SCLT1: variants seen among roughly 807,000 people sequenced by gnomAD.
SCLT1 encodes sodium channel and clathrin linker 1, also known as sodium channel-associated protein 1.
In SCLT1, 78 loss-of-function variants were observed where a neutral mutation model predicts 112.8. The observed-to-expected ratio is 0.69, with a 90% CI of 0.58 to 0.83. The LOEUF (loss-of-function observed/expected upper bound fraction) is 0.83, where lower values mean the gene tolerates loss of function less well. Ranked by LOEUF, SCLT1 falls within the 40% of genes least tolerant of loss-of-function variation. The pLI is 0.00. For missense variants in SCLT1, 747 were observed against 770.4 expected (o/e 0.97, Z 0.36); for synonymous variants, 257 against 254.7 (o/e 1.01, Z -0.09).
At chr4:129,049,421 T>C (rs1238608856) in intron 2 of SCLT1, among the ~76,000 whole-genome samples, 2 of 138,856 alleles carry the variant, frequency 1.4e-5, no homozygotes, top group East Asian at 2.1e-4. Context: ...TAGATGGGAA[T>C]TGAACAATGA....
chr4:128,924,608 T>C (rs1441895011), intron 18 of SCLT1, among the ~76,000 whole-genome samples: 1 of 152,178 alleles, frequency 6.6e-6, no homozygotes, highest in Non-Finnish European at 1.5e-5. Flanking sequence ...CTTTATCAAA[T>C]TTTTTGTACT....
intron 5 of SCLT1, among the ~76,000 whole-genome samples, chr4:129,027,616 C>A (rs1417631351): frequency 1.3e-5 from 2 of 152,054 alleles, no homozygotes; most frequent in Non-Finnish European, 2.9e-5. Flanking sequence ...AAAACTGGCA[C>A]AAGACAGGGA....
chr4:128,928,377 C>T (rs1179236515), intron 18 of SCLT1, among the ~76,000 whole-genome samples: 1 of 152,044 alleles, frequency 6.6e-6, no homozygotes, highest in Non-Finnish European at 1.5e-5. Context: ...TCTAACAAAT[C>T]AAATCCAGAA....
At chr4:129,051,736 G>A (rs891385826) in intron 2 of SCLT1, among the ~76,000 whole-genome samples, 1 of 152,028 alleles carries the variant, frequency 6.6e-6, no homozygotes, top group African/African-American at 2.4e-5. Flanking sequence ...TTGCCTGATT[G>A]CCCTGGCCAG....
At chr4:128,906,529 A>G (rs1399832253) in intron 18 of SCLT1, among the ~76,000 whole-genome samples, 2 of 152,208 alleles carry the variant, frequency 1.3e-5, no homozygotes, top group Non-Finnish European at 2.9e-5. Context: ...ATCAAGTGAT[A>G]TAATAAATTT....
intron 5 of SCLT1, among the ~76,000 whole-genome samples, chr4:129,010,409 G>A (rs1052734115): frequency 5.9e-5 from 9 of 152,088 alleles, no homozygotes; most frequent in East Asian, 1.9e-4. Flanking sequence ...CTCTTTTTTC[G>A]TTCCACATGA....
intron 18 of SCLT1, among the ~76,000 whole-genome samples, chr4:128,898,265 A>T (rs1016628176): frequency 1.3e-5 from 2 of 152,234 alleles, no homozygotes; most frequent in African/African-American, 2.4e-5. Flanking sequence ...TTGACCACAT[A>T]GTTGGAAGTA....
rs140140084 is a variant in SCLT1 at position 129,034,195 on chromosome 4, A to G, written c.290+4846T>C. Among the ~76,000 whole-genome samples, 244 of 152,270 alleles carry G rather than the reference A, an allele frequency of 1.6e-3. 1 individual carries two copies. Among genetic ancestry groups the G allele is most frequent in the Middle Eastern group, 6.8e-3 (2 of 294 alleles). The stretch of plus-strand genomic sequence containing the variant: ...TGGCTTTATTATTGTTTTTGTAAAT[A>G]TATACATGAACTCCTTCCCAAATTT... On this transcript the variant is annotated intron_variant, in intron 5 of 20. Transcript: ENST00000281142.
At chr4:129,017,195 G>T (rs1055624090) in intron 5 of SCLT1, among the ~76,000 whole-genome samples, 5 of 149,988 alleles carry the variant, frequency 3.3e-5, no homozygotes, top group Non-Finnish European at 5.9e-5. Flanking sequence ...GTTTTTTTGT[G>T]GGGGGGGAAT....
intron 18 of SCLT1, among the ~76,000 whole-genome samples, chr4:128,897,228 C>T (rs1345819979): frequency 6.6e-6 from 1 of 152,072 alleles, no homozygotes; most frequent in Non-Finnish European, 1.5e-5. Flanking sequence ...TTGTCAGATT[C>T]ACCAAAGTTG....
intron 2 of SCLT1, among the ~76,000 whole-genome samples, chr4:129,055,328 C>T (rs909309075): frequency 3.3e-5 from 5 of 152,210 alleles, no homozygotes; most frequent in African/African-American, 9.6e-5. Flanking sequence ...GGATCTGCTG[C>T]ACTCTTCAGA....
chr4:128,976,542 C>A (rs1245839878), intron 9 of SCLT1, among the ~76,000 whole-genome samples: 2 of 152,128 alleles, frequency 1.3e-5, no homozygotes, highest in Non-Finnish European at 2.9e-5. Flanking sequence ...ACAAAACACA[C>A]AAAGGATTTT....
chr4:128,926,593 C>T (rs1736315904), intron 18 of SCLT1, among the ~76,000 whole-genome samples: 2 of 151,894 alleles, frequency 1.3e-5, no homozygotes, highest in African/African-American at 4.8e-5. Context: ...GAAAGTAGTC[C>T]CAGATGGAAT....
At chr4:128,947,468 CATA>C (rs1738273180) in intron 15 of SCLT1, among the ~76,000 whole-genome samples, 1 of 151,982 alleles carries the variant, frequency 6.6e-6, no homozygotes, top group African/African-American at 2.4e-5. Context: ...TTACTGATGT[CATA>C]ATTTTTTCAT....
intron 5 of SCLT1, among the ~76,000 whole-genome samples, chr4:129,013,068 T>C (rs1383033037): frequency 6.6e-6 from 1 of 152,162 alleles, no homozygotes; most frequent in Non-Finnish European, 1.5e-5. Flanking sequence ...GGGTTTGTTG[T>C]ACATATTATT....
At chr4:128,888,941 T>C (rs919932983) in intron 19 of SCLT1, among the ~76,000 whole-genome samples, 167 bp from the exon 20 acceptor site, 2 of 152,242 alleles carry the variant, frequency 1.3e-5, no homozygotes, top group Admixed American at 1.3e-4. Flanking sequence ...ATACAAACTT[T>C]GTTTTACATT....
At chr4:128,902,185 G>T (rs1734369796) in intron 18 of SCLT1, among the ~76,000 whole-genome samples, 1 of 152,148 alleles carries the variant, frequency 6.6e-6, no homozygotes, top group Admixed American at 6.5e-5. Flanking sequence ...GATTATAGTT[G>T]TGAGCCACCG....
chr4:128,909,236 A>T (rs1161036059), intron 18 of SCLT1, among the ~76,000 whole-genome samples: 2 of 151,960 alleles, frequency 1.3e-5, no homozygotes, highest in Non-Finnish European at 2.9e-5. Flanking sequence ...CCATTATCAC[A>T]CTGGCTTATT....
chr4:129,092,659 T>C (rs1752951310), intron 1 of SCLT1, among the ~76,000 whole-genome samples: 1 of 152,224 alleles, frequency 6.6e-6, no homozygotes, highest in Admixed American at 6.5e-5. Flanking sequence ...AACTGTCCTG[T>C]TTATCTTTGC....
Sources: allele counts gnomAD v4.1 joint callset (sites outside exome capture counted in the v4.1 genomes callset), GRCh38; gene constraint gnomAD v4.1.1; transcripts MANE v1.5; gene names NCBI Gene and HGNC (gene_info 2026-07-23, HGNC 2026-07-21).